The following SSTR1 variants were observed in gnomAD, a reference collection of about 807,000 sequenced individuals.
The protein encoded by SSTR1 is somatostatin receptor 1, also known as somatostatin receptor type 1.
Under a neutral mutation model 20.7 loss-of-function variants are expected in SSTR1, and 10 were observed. The observed-to-expected ratio is 0.48, with a 90% confidence interval of 0.30 to 0.82. The LOEUF (loss-of-function observed/expected upper bound fraction) is 0.82. SSTR1 is among the 40% of genes least tolerant of loss of function. The pLI is 0.07. For synonymous variants in SSTR1, 267 were observed against 227.8 expected (o/e 1.17, Z -1.55); for missense variants, 494 against 540.0 (o/e 0.91, Z 0.84).
At position 38,210,859 on chromosome 14, in the gene SSTR1, C is replaced by G. The variant is rs1215848611; in HGVS notation, c.*294C>G. 4.0e-6 allele frequency: 2 copies of G among 498,116 alleles called. No individual in the cohort carries two copies. The highest frequency in any genetic ancestry group is 6.7e-6 in the Non-Finnish European group (2 of 296,972). 30.9% of individuals were successfully genotyped at this position (498,116 alleles called of 1,614,324 possible). The stretch of plus-strand genomic sequence containing the variant: ...CTCCACTGCGCTTACTCCTCTGACC[C>G]TCCTTCTATTTTCCCTACCCTGCAA... On this transcript the variant is annotated 3_prime_UTR_variant, in exon 3 of 3. Coordinates refer to ENST00000267377, the MANE Select transcript of SSTR1 (RefSeq NM_001049.3).
Position 38,210,581 on chromosome 14 carries a change from G to C in SSTR1, c.*16G>C, listed in dbSNP as rs1883309389. 3.2e-6 allele frequency: 5 copies of C among 1,549,980 alleles called. No individual in the cohort carries two copies. The African/African-American group carries it at 7.2e-5, about 22-fold the overall frequency. On this transcript the variant is annotated 3_prime_UTR_variant, in exon 3 of 3. Coordinates refer to ENST00000267377, the MANE Select transcript of SSTR1 (RefSeq NM_001049.3). ...GACGCTCTGAGCCCGGGCCACGCAG[G>C]GGCTCTGAGCCCGGGCCACGCAGGG... is the stretch of plus-strand genomic sequence containing the variant.
rs563438733 is a variant in SSTR1, at chr14:38,210,781, C to T, written c.*216C>T. 1 of 1,227,642 alleles carries T rather than the reference C, an allele frequency of 8.1e-7. No homozygotes were observed. The highest frequency in any genetic ancestry group is 2.7e-5 in the East Asian group (1 of 36,540). The allele number at this position is 1,227,642 out of a possible 1,614,324, so 76.0% of individuals were successfully genotyped here. On this transcript the variant is annotated 3_prime_UTR_variant, in exon 3 of 3. Transcript: ENST00000267377. ...TAGAAGTGAGAGCTTTGCTTATAAA[C>T]TGGGAAGGCTTTCAGGCTACCTTTT... is the stretch of plus-strand genomic sequence containing the variant.
chr14:38,211,882 G>A lies in SSTR1; in HGVS notation c.*1317G>A. 6.0e-6 allele frequency: 1 copy of A among 167,180 alleles called. No individual in the cohort carries two copies. 10.4% of individuals were successfully genotyped at this position (167,180 alleles called of 1,614,324 possible). On this transcript the variant is annotated 3_prime_UTR_variant, in exon 3 of 3. Coordinates refer to ENST00000267377, the MANE Select transcript of SSTR1 (RefSeq NM_001049.3). ...CTTTTCTCTGCTTGCCTAGCCCCAG[G>A]TCTTTTCTTTGGGACCCTGGGGGCG...
chr14:38,210,439 G>T lies in SSTR1; in HGVS notation c.1050G>T (p.Pro350=), dbSNP rs763705018. 5.0e-6 allele frequency: 8 copies of T among 1,614,162 alleles called. No homozygotes were observed. The South Asian group carries it at 8.8e-5, about 18-fold the overall frequency. ...LSWMDNAAEE[P]VDYYATALKS... is the part of the protein sequence containing the mutation. ...GGATGGACAACGCCGCGGAGGAGCC[G>T]GTTGACTATTACGCCACCGCGCTCA... Residue 350 remains proline (P), a synonymous_variant, in exon 3 of 3, where the codon CCG becomes CCT. Transcript: ENST00000267377.
Position 38,209,534 on chromosome 14 carries a change from G to C in SSTR1, c.145G>C (p.Gly49Arg), listed in dbSNP as rs772331805. Reference protein sequence around the residue: ...EEPGRNASQNGTLSEGQGSAI... With the variant: ...EEPGRNASQNRTLSEGQGSAI... ...GCCAGGGCGAAATGCGTCCCAGAAC[G>C]GGACCTTGAGCGAGGGCCAGGGCAG... The change falls in exon 3 of 3, where the codon GGG becomes CGG. Residue 49 changes from glycine to arginine, a missense_variant. Transcript: ENST00000267377. 70 of 1,598,596 alleles carry C rather than the reference G, an allele frequency of 4.4e-5. No individual in the cohort carries two copies. Among genetic ancestry groups the C allele is most frequent in the Non-Finnish European group, 5.4e-5 (63 of 1,170,462 alleles).
rs1054469728 is a variant in SSTR1, at chr14:38,212,853, T to G, written c.*2288T>G. The G allele has an allele frequency of 1.2e-5, 2 of 167,082 alleles. No individual in the cohort carries two copies. Among genetic ancestry groups the G allele is most frequent in the African/African-American group, 4.8e-5 (2 of 41,468 alleles). The allele number at this position is 167,082 out of a possible 1,614,324, so 10.3% of individuals were successfully genotyped here. On this transcript the variant is annotated 3_prime_UTR_variant, in exon 3 of 3. Transcript: ENST00000267377. ...TTTTGCTTAAACTAATGAACAAATA[T>G]GCTTTGGGTCATAAATCAGAAAGTT...
rs1318192645 is a variant in SSTR1 at position 38,210,246 on chromosome 14, C to T, written c.857C>T (p.Pro286Leu). 1 of 1,614,178 alleles carries T rather than the reference C, an allele frequency of 6.2e-7. No homozygotes were observed. Among genetic ancestry groups the T allele is most frequent in the South Asian group, 1.1e-5 (1 of 91,082 alleles). The change falls in exon 3 of 3, where the codon CCT becomes CTT. Residue 286 changes from proline to leucine, a missense_variant. Physicochemically the swap from Pro to Leu is moderately conservative, Grantham distance 98. Coordinates refer to ENST00000267377, the MANE Select transcript of SSTR1 (RefSeq NM_001049.3). ...VVMVFVICWM[P>L]FYVVQLVNVF... ...ATGGTGTTTGTCATCTGCTGGATGCCTTTCTACGTGGTGCAGCTGGTCAAC... is the reference window on the plus strand; with the variant it reads ...ATGGTGTTTGTCATCTGCTGGATGCTTTTCTACGTGGTGCAGCTGGTCAAC...
chr14:38,210,534 G>T lies in SSTR1; in HGVS notation c.1145G>T (p.Gly382Val), dbSNP rs367619290. 3 of 1,562,500 alleles carry T rather than the reference G, an allele frequency of 1.9e-6. No individual in the cohort carries two copies. Among genetic ancestry groups the T allele is most frequent in the East Asian group, 2.3e-5 (1 of 43,512 alleles). Reference protein sequence around the residue: ...NLESGGVFRNGTCTSRITTL With the variant: ...NLESGGVFRNVTCTSRITTL ...GAGTCCGGCGGCGTCTTCCGTAATG[G>T]CACCTGCACGTCCCGGATCACGACG... Residue 382 changes from glycine to valine, a missense_variant, in exon 3 of 3, where the codon GGC (glycine) becomes GTC (valine). By Grantham distance (109) the Gly-to-Val change is moderately radical. This residue lies in a region of SSTR1 where 280 missense variants were observed against 286.1 expected (regional missense o/e 0.98). Transcript: ENST00000267377.
Position 38,213,031 on chromosome 14 carries a change from T to C in SSTR1, c.*2466T>C, listed in dbSNP as rs758311002. On this transcript the variant is annotated 3_prime_UTR_variant, in exon 3 of 3. Transcript: ENST00000267377. ...TGCTCTTAACTTGTTACCATTGTAA[T>C]ATTAACTAAATAAACAGATGTATTA... The C allele has an allele frequency of 6.0e-6, 1 of 166,876 alleles. No individual in the cohort carries two copies. The highest frequency in any genetic ancestry group is 1.5e-5 in the Non-Finnish European group (1 of 68,106). 10.3% of individuals were successfully genotyped at this position (166,876 alleles called of 1,614,324 possible). A position where few individuals can be genotyped will look rare whatever the true frequency, so the allele number is the denominator to read the frequency against.
chr14:38,211,605 A>G lies in SSTR1; in HGVS notation c.*1040A>G, dbSNP rs1883331103. The G allele has an allele frequency of 6.0e-6, 1 of 167,238 alleles. No homozygotes were observed. The highest frequency in any genetic ancestry group is 2.4e-5 in the African/African-American group (1 of 41,582). The allele number at this position is 167,238 out of a possible 1,614,324, so 10.4% of individuals were successfully genotyped here. On this transcript the variant is annotated 3_prime_UTR_variant, in exon 3 of 3. Transcript: ENST00000267377. ...AAGTTTCCGGAGGAGCCGACCTAAA[A>G]GTAACAATAGATAAGGTTTCCTGCT...
chr14:38,209,741 A>G lies in SSTR1; in HGVS notation c.352A>G (p.Thr118Ala), dbSNP rs748315729. The change falls in exon 3 of 3, where the codon ACG (threonine) becomes GCG (alanine). Residue 118 changes from threonine (T) to alanine (A), a missense_variant. This residue lies in a region of SSTR1 where 116 missense variants were observed against 174.6 expected (regional missense o/e 0.66). Coordinates refer to ENST00000267377, the MANE Select transcript of SSTR1 (RefSeq NM_001049.3). ...MLSVPFLVTS[T>A]LLRHWPFGAL... The stretch of plus-strand genomic sequence containing the variant: ...CAGCGTGCCCTTCCTAGTCACCTCC[A>G]CGTTGTTGCGCCACTGGCCCTTCGG... 5 of 1,613,852 alleles carry G rather than the reference A, an allele frequency of 3.1e-6. No individual in the cohort carries two copies. The highest frequency in any genetic ancestry group is 4.5e-5 in the East Asian group (2 of 44,784).
In SSTR1 at chr14:38,210,399, T is replaced by C. The variant is rs1390461252; in HGVS notation, c.1010T>C (p.Ile337Thr). The change falls in exon 3 of 3, where the codon ATC becomes ACC. Residue 337 changes from isoleucine to threonine, a missense_variant. Ile to Thr is a moderately conservative substitution (Grantham distance 89). This residue lies in a region of SSTR1 where 280 missense variants were observed against 286.1 expected (regional missense o/e 0.98). Coordinates refer to ENST00000267377, the MANE Select transcript of SSTR1 (RefSeq NM_001049.3). The stretch of plus-strand genomic sequence containing the variant: ...AACTTCAAGCGCTCTTTCCAACGCA[T>C]CCTATGCCTCAGCTGGATGGACAAC... Reference protein sequence around the residue: ...SDNFKRSFQRILCLSWMDNAA... With the variant: ...SDNFKRSFQRTLCLSWMDNAA... 1.2e-6 allele frequency: 2 copies of C among 1,614,256 alleles called. No homozygotes were observed. Among genetic ancestry groups the C allele is most frequent in the East Asian group, 2.2e-5 (1 of 44,876 alleles).
At position 38,210,546 on chromosome 14, in the gene SSTR1, C is replaced by T. The variant is rs1039682869; in HGVS notation, c.1157C>T (p.Ser386Phe). ...GTCTTCCGTAATGGCACCTGCACGT[C>T]CCGGATCACGACGCTCTGAGCCCGG... ...GGVFRNGTCT[S>F]RITTL The change falls in exon 3 of 3, where the codon TCC becomes TTC. Residue 386 changes from serine (S) to phenylalanine (F), a missense_variant. By Grantham distance (155) the Ser-to-Phe change is radical. This residue lies in a region of SSTR1 where 280 missense variants were observed against 286.1 expected (regional missense o/e 0.98). Coordinates refer to ENST00000267377, the MANE Select transcript of SSTR1 (RefSeq NM_001049.3). 2 of 1,417,740 alleles carry T rather than the reference C, an allele frequency of 1.4e-6. No individual in the cohort carries two copies. Among genetic ancestry groups the T allele is most frequent in the East Asian group, 2.4e-5 (1 of 41,096 alleles). 87.8% of individuals were successfully genotyped at this position (1,417,740 alleles called of 1,614,324 possible). A position where few individuals can be genotyped will look rare whatever the true frequency, so the allele number is the denominator to read the frequency against.
At chr14:38,208,940 A>C (rs1351076753) in intron 2 of SSTR1, 106 bp from the exon 3 acceptor site, 1 of 157,708 alleles carries the variant, frequency 6.3e-6, no homozygotes, top group East Asian at 1.9e-4. Context: ...GGAGCCACTA[A>C]AGTTGAGCAG....
Position 38,211,881 on chromosome 14 carries a change from G to T in SSTR1, c.*1316G>T, listed in dbSNP as rs911485652. On this transcript the variant is annotated 3_prime_UTR_variant, in exon 3 of 3. Coordinates refer to ENST00000267377, the MANE Select transcript of SSTR1 (RefSeq NM_001049.3). Reference sequence around the variant, plus strand: ...CCTTTTCTCTGCTTGCCTAGCCCCAGGTCTTTTCTTTGGGACCCTGGGGGC... The same window carrying T: ...CCTTTTCTCTGCTTGCCTAGCCCCATGTCTTTTCTTTGGGACCCTGGGGGC... 9 of 167,064 alleles carry T rather than the reference G, an allele frequency of 5.4e-5. No homozygotes were observed. Among genetic ancestry groups the T allele is most frequent in the Non-Finnish European group, 1.0e-4 (7 of 68,120 alleles). 10.3% of individuals were successfully genotyped at this position (167,064 alleles called of 1,614,324 possible).
chr14:38,211,994 A>T lies in SSTR1; in HGVS notation c.*1429A>T, dbSNP rs1361052010. On this transcript the variant is annotated 3_prime_UTR_variant, in exon 3 of 3. Transcript: ENST00000267377. ...CCTCAATGCTGGGCCCTCTTATCTCATCCTTTCCTCTAGCTTTTCTATTTT... is the reference window on the plus strand; with the variant it reads ...CCTCAATGCTGGGCCCTCTTATCTCTTCCTTTCCTCTAGCTTTTCTATTTT... The T allele has an allele frequency of 6.0e-6, 1 of 166,814 alleles. No individual in the cohort carries two copies. Among genetic ancestry groups the T allele is most frequent in the Non-Finnish European group, 1.5e-5 (1 of 68,082 alleles). The allele number at this position is 166,814 out of a possible 1,614,324, so 10.3% of individuals were successfully genotyped here. A position where few individuals can be genotyped will look rare whatever the true frequency, so the allele number is the denominator to read the frequency against.
rs1883351997 is a variant in SSTR1 at position 38,212,632 on chromosome 14, T to C, written c.*2067T>C. 1 of 166,968 alleles carries C rather than the reference T, an allele frequency of 6.0e-6. No homozygotes were observed. 10.3% of individuals were successfully genotyped at this position (166,968 alleles called of 1,614,324 possible). A position where few individuals can be genotyped will look rare whatever the true frequency, so the allele number is the denominator to read the frequency against. ...TTGTACATAGTAGGCACTAAATACA[T>C]GTTTGTTGGTTGATTGTTTAAGCCA... On this transcript the variant is annotated 3_prime_UTR_variant, in exon 3 of 3. Transcript: ENST00000267377.
chr14:38,209,456 G>A lies in SSTR1; in HGVS notation c.67G>A (p.Glu23Lys), dbSNP rs749916089. The A allele has an allele frequency of 1.9e-6, 3 of 1,554,054 alleles. No homozygotes were observed. The highest frequency in any genetic ancestry group is 2.6e-6 in the Non-Finnish European group (3 of 1,151,000). ...SPSPSPGSCGEGGGSRGPGAG... is the reference protein window; with the variant it reads ...SPSPSPGSCGKGGGSRGPGAG... The stretch of plus-strand genomic sequence containing the variant: ...TAGCCCCAGCCCGGGCAGCTGCGGC[G>A]AAGGCGGCGGCAGCAGGGGCCCCGG... The change falls in exon 3 of 3, where the codon GAA becomes AAA. Residue 23 changes from glutamate to lysine, a missense_variant. Transcript: ENST00000267377.
In SSTR1 at chr14:38,212,267, G is replaced by C. The variant is rs1478819329; in HGVS notation, c.*1702G>C. ...TATACTTATCTTGCTCCATTGTCAT[G>C]AGTCCATGAGTCTAAGTATAGCCAC... On this transcript the variant is annotated 3_prime_UTR_variant, in exon 3 of 3. Coordinates refer to ENST00000267377, the MANE Select transcript of SSTR1 (RefSeq NM_001049.3). The C allele has an allele frequency of 6.0e-6, 1 of 166,922 alleles. No individual in the cohort carries two copies. Among genetic ancestry groups the C allele is most frequent in the East Asian group, 1.9e-4 (1 of 5,186 alleles). 10.3% of individuals were successfully genotyped at this position (166,922 alleles called of 1,614,324 possible).
Sources: gnomAD v4.1 joint callset for allele counts on GRCh38, gnomAD v4.1.1 for gene constraint, gnomAD v4.1.1 regional missense constraint, MANE v1.5 for transcripts, NCBI Gene and HGNC (gene_info 2026-07-23, HGNC 2026-07-21) for gene names.